SPDYE10: variants seen among roughly 807,000 people sequenced by gnomAD.
SPDYE10 encodes the protein speedy/RINGO cell cycle regulator family member E10.
the SPDYE10 span, among the ~76,000 whole-genome samples, chr7:73,146,998 G>GT: frequency 2.4e-5 from 1 of 41,292 alleles, no homozygotes; most frequent in Non-Finnish European, 4.2e-5. Context: ...AGAGTTCATA[G>GT]ATTTACATAA....
chr7:73,137,639 A>AAAGAAAGG, the SPDYE10 span, among the ~76,000 whole-genome samples: 1 of 114,274 alleles, frequency 8.8e-6, no homozygotes, highest in East Asian at 2.5e-4. Flanking sequence ...AGAAAGAAAG[A>AAAGAAAGG]AAGGAGAAAG....
the SPDYE10 span, among the ~76,000 whole-genome samples, chr7:73,113,719 C>A: frequency 6.6e-6 from 1 of 152,088 alleles, no homozygotes; most frequent in Non-Finnish European, 1.5e-5. Flanking sequence ...CATGGTGAAA[C>A]CGCATCTCTA....
the SPDYE10 span, among the ~76,000 whole-genome samples, chr7:73,147,863 A>G: frequency 6.6e-6 from 1 of 150,798 alleles, no homozygotes; most frequent in Non-Finnish European, 1.5e-5. Context: ...CTGGAGTGCA[A>G]TGGCATGATC....
chr7:73,113,646 C>G, the SPDYE10 span, among the ~76,000 whole-genome samples: 3 of 150,128 alleles, frequency 2.0e-5, no homozygotes, highest in African/African-American at 7.4e-5. Flanking sequence ...GTAATCCCAG[C>G]GCTTTGGGAG....
the SPDYE10 span, among the ~76,000 whole-genome samples, chr7:73,113,739 C>CA: frequency 3.9e-5 from 6 of 152,062 alleles, no homozygotes; most frequent in Non-Finnish European, 7.3e-5. Context: ...ACTAAAAATA[C>CA]AAAAAATTAG....
At chr7:73,137,682 G>C in the SPDYE10 span, among the ~76,000 whole-genome samples, 1 of 76,008 alleles carries the variant, frequency 1.3e-5, no homozygotes, top group African/African-American at 4.9e-5. Context: ...GAGGAGGGGA[G>C]GGGAGGGAGA....
the SPDYE10 span, among the ~76,000 whole-genome samples, chr7:73,150,948 A>ATTTTTTTTT: frequency 2.0e-4 from 1 of 4,944 alleles, no homozygotes; most frequent in Admixed American, 5.2e-3. Flanking sequence ...ATATATATAT[A>ATTTTTTTTT]TTTTTTTTTT....
At chr7:73,145,127 T>C in the SPDYE10 span, among the ~76,000 whole-genome samples, 17 of 144,546 alleles carry the variant, frequency 1.2e-4, no homozygotes, top group Admixed American at 8.1e-4. Flanking sequence ...TTCTTTCTTT[T>C]CTTTCTTTCT....
At chr7:73,138,024 C>T in the SPDYE10 span, among the ~76,000 whole-genome samples, 2 of 151,942 alleles carry the variant, frequency 1.3e-5, no homozygotes. Context: ...TAATTGTCCC[C>T]AAGGAGAAAA....
At chr7:73,132,471 C>T in the SPDYE10 span, among the ~76,000 whole-genome samples, 21 of 152,142 alleles carry the variant, frequency 1.4e-4, no homozygotes, top group African/African-American at 4.1e-4. Context: ...CCCTTGAATC[C>T]AGGATTTTGA....
At chr7:73,113,797 A>C in the SPDYE10 span, among the ~76,000 whole-genome samples, 1 of 151,932 alleles carries the variant, frequency 6.6e-6, no homozygotes, top group African/African-American at 2.4e-5. Flanking sequence ...GCACTTTGGG[A>C]GGCCAAGGAG....
At chr7:73,135,528 TC>T in the SPDYE10 span, among the ~76,000 whole-genome samples, 65 of 131,670 alleles carry the variant, frequency 4.9e-4, 1 homozygote, top group African/African-American at 1.8e-3. Flanking sequence ...TTCTTTCTTT[TC>T]TTTTTTTTTT....
the SPDYE10 span, among the ~76,000 whole-genome samples, chr7:73,134,395 T>A: frequency 7.0e-6 from 1 of 142,626 alleles, no homozygotes; most frequent in Non-Finnish European, 1.5e-5. Context: ...GGGGGAGGGA[T>A]AGCATTAGGA....
chr7:73,126,718 C>T, the SPDYE10 span, among the ~76,000 whole-genome samples: 40 of 146,432 alleles, frequency 2.7e-4, no homozygotes, highest in African/African-American at 9.2e-4. Context: ...CACTCTGTCA[C>T]CCAGGCTGGA....
chr7:73,120,783 G>A, the SPDYE10 span, among the ~76,000 whole-genome samples: 2 of 148,234 alleles, frequency 1.3e-5, no homozygotes, highest in Non-Finnish European at 3.0e-5. Flanking sequence ...GGGAGATTCT[G>A]TCTCAAAAAA....
chr7:73,122,690 A>G, the SPDYE10 span, among the ~76,000 whole-genome samples: 1 of 150,046 alleles, frequency 6.7e-6, no homozygotes, highest in Non-Finnish European at 1.5e-5. Context: ...GAGCTCTAAG[A>G]CCAAATGGGC....
At chr7:73,134,797 G>A in the SPDYE10 span, among the ~76,000 whole-genome samples, 2 of 152,282 alleles carry the variant, frequency 1.3e-5, no homozygotes, top group Admixed American at 6.5e-5. Flanking sequence ...AGGAGGCGGA[G>A]GTTGCAGGGA....
chr7:73,137,673 A>G, the SPDYE10 span, among the ~76,000 whole-genome samples: 1 of 94,328 alleles, frequency 1.1e-5, no homozygotes, highest in South Asian at 4.9e-4. Context: ...AGAAAGAAAG[A>G]GGAGGGGAGG....
the SPDYE10 span, among the ~76,000 whole-genome samples, chr7:73,126,424 T>G: frequency 8.8e-6 from 1 of 114,020 alleles, no homozygotes; most frequent in South Asian, 3.0e-4. Context: ...GGAGAATCAC[T>G]TGAACCCGGG....
Sources: gnomAD v4.1 joint callset for allele counts (sites outside exome capture counted in the v4.1 genomes callset) on GRCh38, gnomAD v4.1.1 for gene constraint, MANE v1.5 for transcripts, NCBI Gene and HGNC (gene_info 2026-07-23, HGNC 2026-07-21) for gene names.